The following DNAJC3 variants were observed in gnomAD, a reference collection of about 807,000 sequenced individuals.
DNAJC3 encodes DnaJ heat shock protein family (Hsp40) member C3, also known as dnaJ homolog subfamily C member 3.
DNAJC3 carries 38 observed loss-of-function variants against 68.6 expected under a neutral mutation model. The observed-to-expected ratio is 0.55, with a 90% confidence interval of 0.43 to 0.73. DNAJC3 has a LOEUF of 0.73. Ranked by LOEUF, DNAJC3 falls within the 30% of genes least tolerant of loss-of-function variation. The probability of loss-of-function intolerance (pLI) is 0.00; values close to 1 mark genes in which losing one functional copy is unlikely to be tolerated. For synonymous variants in DNAJC3, 203 were observed against 204.0 expected (o/e 1.00, Z 0.04); for missense variants, 526 against 591.9 (o/e 0.89, Z 1.16).
intron 1 of DNAJC3, among the ~76,000 whole-genome samples, chr13:95,689,127 CTTTGATTTT>C (rs1566466806): frequency 1.5e-5 from 2 of 136,698 alleles, no homozygotes; most frequent in African/African-American, 5.5e-5. Context: ...AATCCTTCCT[CTTTGATTTT>C]TTTTTTTTTC....
At chr13:95,733,209 A>G (rs766601625) in intron 4 of DNAJC3, among the ~76,000 whole-genome samples, 2 of 152,100 alleles carry the variant, frequency 1.3e-5, no homozygotes, top group African/African-American at 2.4e-5. Flanking sequence ...TATATGATCT[A>G]TGTAATGCTG....
At chr13:95,704,587 A>G (rs915251454) in intron 1 of DNAJC3, among the ~76,000 whole-genome samples, 3 of 152,206 alleles carry the variant, frequency 2.0e-5, no homozygotes, top group African/African-American at 7.2e-5. Context: ...AATGATAGGT[A>G]ATACATTCTG....
At chr13:95,776,938 G>A (rs896189524) in intron 9 of DNAJC3, among the ~76,000 whole-genome samples, 1 of 152,102 alleles carries the variant, frequency 6.6e-6, no homozygotes, top group Admixed American at 6.5e-5. Flanking sequence ...CACCATCAGG[G>A]CACACGCTCT....
chr13:95,772,449 A>G (rs1289566223), intron 9 of DNAJC3, among the ~76,000 whole-genome samples: 2 of 152,240 alleles, frequency 1.3e-5, no homozygotes, highest in Admixed American at 1.3e-4. Flanking sequence ...AGAAACTGCC[A>G]GACTCTTTCT....
At chr13:95,763,562 A>G (rs17885543) in intron 7 of DNAJC3, 81 bp from the exon 8 acceptor site, 22,603 of 1,339,440 alleles carry the variant, frequency 0.017, 242 homozygotes, top group Non-Finnish European at 0.018. Flanking sequence ...TAAGCAACAC[A>G]TGGTGAAGAG....
intron 9 of DNAJC3, among the ~76,000 whole-genome samples, chr13:95,767,691 G>GTTTTGTTTTTTTTTTTT (rs1555328430): frequency 1.5e-5 from 2 of 135,794 alleles, no homozygotes; most frequent in African/African-American, 5.5e-5. Context: ...AGTTTTTTGG[G>GTTTTGTTTTTTTTTTTT]TTTTTTTTTT....
chr13:95,768,280 T>TGATGCTCAGAA (rs1883063724), intron 9 of DNAJC3, among the ~76,000 whole-genome samples: 1 of 152,206 alleles, frequency 6.6e-6, no homozygotes, highest in Non-Finnish European at 1.5e-5. Context: ...TTAAATAAGA[T>TGATGCTCAGAA]GATGCTCAGA....
intron 11 of DNAJC3, among the ~76,000 whole-genome samples, chr13:95,790,606 T>G (rs1359773043): frequency 6.6e-6 from 1 of 152,042 alleles, no homozygotes; most frequent in Non-Finnish European, 1.5e-5. Flanking sequence ...TTGGGTGGCT[T>G]CTTCTGGAGT....
chr13:95,715,489 T>C (rs1045684933), intron 2 of DNAJC3, among the ~76,000 whole-genome samples: 8 of 151,308 alleles, frequency 5.3e-5, no homozygotes, highest in Non-Finnish European at 5.9e-5. Flanking sequence ...TTTTCTTTTT[T>C]TTTTTTTTTT....
At chr13:95,701,601 C>G (rs971414162) in intron 1 of DNAJC3, among the ~76,000 whole-genome samples, 10 of 152,092 alleles carry the variant, frequency 6.6e-5, no homozygotes, top group Admixed American at 6.6e-4. Flanking sequence ...GAGATTTACT[C>G]GGTTCTCTTG....
chr13:95,765,383 C>T (rs1460921864), intron 9 of DNAJC3, among the ~76,000 whole-genome samples: 1 of 139,974 alleles, frequency 7.1e-6, no homozygotes, highest in Non-Finnish European at 1.5e-5. Context: ...AGAGAAGCTA[C>T]AGAAGAATAT....
At chr13:95,710,384 T>G (rs1009788691) in intron 2 of DNAJC3, among the ~76,000 whole-genome samples, 9 of 151,836 alleles carry the variant, frequency 5.9e-5, no homozygotes, top group Non-Finnish European at 1.0e-4. Context: ...TCCAACTACT[T>G]TTTACAACTT....
chr13:95,765,919 A>G (rs982884328), intron 9 of DNAJC3, among the ~76,000 whole-genome samples: 4 of 152,144 alleles, frequency 2.6e-5, no homozygotes, highest in African/African-American at 9.7e-5. Context: ...ATAGGAATTT[A>G]TTAAAGAGAG....
chr13:95,736,148 T>G (rs1881909961), intron 4 of DNAJC3, among the ~76,000 whole-genome samples: 1 of 152,172 alleles, frequency 6.6e-6, no homozygotes. Context: ...GCGGCGTTAT[T>G]TCTGAGGGCT....
At chr13:95,789,642 A>G (rs1883705816) in intron 11 of DNAJC3, among the ~76,000 whole-genome samples, 1 of 152,182 alleles carries the variant, frequency 6.6e-6, no homozygotes. Context: ...TTATAATGGA[A>G]CAATTTATAT....
At chr13:95,741,791 C>T (rs1360163379) in intron 4 of DNAJC3, among the ~76,000 whole-genome samples, 5 of 152,134 alleles carry the variant, frequency 3.3e-5, no homozygotes, top group African/African-American at 1.2e-4. Flanking sequence ...TGGGTGGGCT[C>T]ACCCTCAGGC....
intron 1 of DNAJC3, chr13:95,695,524 C>T (rs894824784): frequency 5.9e-5 from 9 of 152,318 alleles, no homozygotes; most frequent in African/African-American, 2.2e-4. Context: ...ATATTCTGCC[C>T]ATTAAGTCAA....
intron 4 of DNAJC3, among the ~76,000 whole-genome samples, chr13:95,734,865 T>C (rs1881845329): frequency 6.6e-6 from 1 of 150,724 alleles, no homozygotes; most frequent in Non-Finnish European, 1.5e-5. Flanking sequence ...CATGTGCACA[T>C]TGTGCAGGTT....
chr13:95,776,260 GA>G (rs1303907715), intron 9 of DNAJC3, among the ~76,000 whole-genome samples: 1 of 152,108 alleles, frequency 6.6e-6, no homozygotes, highest in Non-Finnish European at 1.5e-5. Flanking sequence ...AAATTCAGAG[GA>G]AAAATGAATT....
Sources: allele counts gnomAD v4.1 joint callset (sites outside exome capture counted in the v4.1 genomes callset), GRCh38; gene constraint gnomAD v4.1.1; transcripts MANE v1.5; gene names NCBI Gene and HGNC (gene_info 2026-07-23, HGNC 2026-07-21).